NCAM2: variants seen among roughly 807,000 people sequenced by gnomAD.
The protein encoded by NCAM2 is N-CAM-2.
Under a neutral mutation model 98.1 loss-of-function variants are expected in NCAM2, and 30 were observed. The ratio of observed to expected loss-of-function variants is 0.31; its 90% CI spans 0.23 to 0.41. The LOEUF is 0.41. Among genes scored for constraint, NCAM2 ranks in the 10% least tolerant of loss-of-function variants. The probability of loss-of-function intolerance (pLI) is 1.00; values close to 1 mark genes in which losing one functional copy is unlikely to be tolerated. For synonymous variants in NCAM2, 368 were observed against 342.4 expected (o/e 1.07, Z -0.83); for missense variants, 867 against 1,005.8 (o/e 0.86, Z 1.87).
At chr21:21,258,193 C>T (rs1030112239) in intron 1 of NCAM2, among the ~76,000 whole-genome samples, 19 of 152,092 alleles carry the variant, frequency 1.2e-4, no homozygotes, top group African/African-American at 4.6e-4. Context: ...GAATTTTCTA[C>T]TTTAAAGTAT....
chr21:21,295,785 TAC>T (rs1199292565), intron 5 of NCAM2, among the ~76,000 whole-genome samples: 1 of 151,344 alleles, frequency 6.6e-6, no homozygotes, highest in South Asian at 2.1e-4. Context: ...GTTGTTATCA[TAC>T]ACACACACAC....
chr21:21,450,289 C>T (rs911413223), intron 12 of NCAM2, among the ~76,000 whole-genome samples: 22 of 150,426 alleles, frequency 1.5e-4, no homozygotes, highest in African/African-American at 3.9e-4. Context: ...TTAATATATG[C>T]GTGTGTGTGT....
intron 1 of NCAM2, among the ~76,000 whole-genome samples, chr21:21,193,170 T>C (rs768716485): frequency 6.6e-6 from 1 of 152,210 alleles, no homozygotes; most frequent in Non-Finnish European, 1.5e-5. Flanking sequence ...TCTCTGTGTC[T>C]ATCATGTCTA....
chr21:21,368,647 A>G (rs2075842348), intron 8 of NCAM2, among the ~76,000 whole-genome samples: 1 of 151,840 alleles, frequency 6.6e-6, no homozygotes, highest in Non-Finnish European at 1.5e-5. Context: ...GGGACTAGCT[A>G]GCTTTCTGTG....
intron 14 of NCAM2, among the ~76,000 whole-genome samples, chr21:21,473,125 T>C (rs1365408470): frequency 2.6e-5 from 4 of 151,420 alleles, no homozygotes; most frequent in African/African-American, 9.7e-5. Context: ...AGTACCTGTT[T>C]GTTTCTTTTG....
chr21:21,320,051 A>G (rs372870478), intron 5 of NCAM2, among the ~76,000 whole-genome samples: 5 of 152,180 alleles, frequency 3.3e-5, no homozygotes, highest in African/African-American at 1.2e-4. Flanking sequence ...TAAAGCCTTT[A>G]CTGTGTTGTT....
chr21:21,424,274 A>C (rs1386342033), intron 11 of NCAM2, among the ~76,000 whole-genome samples: 1 of 152,196 alleles, frequency 6.6e-6, no homozygotes, highest in African/African-American at 2.4e-5. Flanking sequence ...ATCAATTCCT[A>C]ATCACTTTTT....
At chr21:21,355,864 C>T (rs2075465518) in intron 8 of NCAM2, among the ~76,000 whole-genome samples, 1 of 152,034 alleles carries the variant, frequency 6.6e-6, no homozygotes, top group East Asian at 1.9e-4. Context: ...CCACCTCGGC[C>T]TCCCAAAGTA....
chr21:21,073,325 A>G (rs2065612238), intron 1 of NCAM2, among the ~76,000 whole-genome samples: 1 of 152,158 alleles, frequency 6.6e-6, no homozygotes, highest in African/African-American at 2.4e-5. Flanking sequence ...ATTTTCTGGT[A>G]ATTAAGTTTT....
intron 1 of NCAM2, among the ~76,000 whole-genome samples, chr21:21,276,943 T>C (rs1002962119): frequency 1.6e-4 from 25 of 152,108 alleles, no homozygotes; most frequent in Non-Finnish European, 3.2e-4. Flanking sequence ...ATTAATTTCA[T>C]GTTCAATTTT....
rs1350102016 is a variant in NCAM2, at chr21:21,299,333, CT to C, written c.619+7096del. The stretch of plus-strand genomic sequence containing the variant: ...TTTTTGCTTGTGTCATATCCTATGG[CT>C]TTTAATAAAAGCATAGGTATTCGGA... On this transcript the variant is annotated intron_variant, in intron 5 of 17. Transcript: ENST00000400546. Among the ~76,000 whole-genome samples, 5 of 150,562 alleles carry C rather than the reference CT, an allele frequency of 3.3e-5. No individual in the cohort carries two copies. In the South Asian group the frequency reaches 8.4e-4, roughly 25 times the overall value.
At chr21:21,015,019 C>A (rs6417708) in intron 1 of NCAM2, among the ~76,000 whole-genome samples, 87,136 of 151,962 alleles carry the variant, frequency 0.57, 25,538 homozygotes, top group East Asian at 0.82. Context: ...GTGGAGCTTG[C>A]AGATGGGACT....
chr21:21,011,367 G>A (rs1045926721), intron 1 of NCAM2, among the ~76,000 whole-genome samples: 1 of 151,968 alleles, frequency 6.6e-6, no homozygotes, highest in African/African-American at 2.4e-5. Flanking sequence ...GAAGAAACGA[G>A]GAGTTGCAGA....
chr21:21,196,361 G>A (rs560129988), intron 1 of NCAM2, among the ~76,000 whole-genome samples: 2 of 152,284 alleles, frequency 1.3e-5, no homozygotes, highest in African/African-American at 2.4e-5. Context: ...GAGCCATTTC[G>A]GTTCCACAGC....
chr21:21,365,238 C>CGTGCGTGT (rs1210171656), intron 8 of NCAM2, among the ~76,000 whole-genome samples: 1 of 146,902 alleles, frequency 6.8e-6, no homozygotes, highest in African/African-American at 2.5e-5. Flanking sequence ...TTGCTTAGTG[C>CGTGCGTGT]GTGTGTGTGT....
chr21:21,121,403 T>G (rs1390076995), intron 1 of NCAM2, among the ~76,000 whole-genome samples: 1 of 152,204 alleles, frequency 6.6e-6, no homozygotes, highest in Non-Finnish European at 1.5e-5. Context: ...GTGGTCTTAC[T>G]TGATATTTAC....
At chr21:21,023,345 G>A (rs574599801) in intron 1 of NCAM2, among the ~76,000 whole-genome samples, 95 of 152,106 alleles carry the variant, frequency 6.2e-4, no homozygotes, top group Non-Finnish European at 1.1e-3. Context: ...CCAACATGGT[G>A]GAATCCCGTC....
At chr21:21,208,777 T>A (rs1191818321) in intron 1 of NCAM2, among the ~76,000 whole-genome samples, 1 of 152,206 alleles carries the variant, frequency 6.6e-6, no homozygotes, top group Non-Finnish European at 1.5e-5. Context: ...ATTTAATTCT[T>A]AAAACTCCCA....
intron 6 of NCAM2, among the ~76,000 whole-genome samples, chr21:21,331,886 C>T (rs932030111): frequency 2.1e-5 from 3 of 145,820 alleles, no homozygotes; most frequent in Admixed American, 1.4e-4. Context: ...CACACCTGGC[C>T]GTATCCTGGG....
Sources: gnomAD v4.1 joint callset for allele counts (sites outside exome capture counted in the v4.1 genomes callset) on GRCh38, gnomAD v4.1.1 for gene constraint, MANE v1.5 for transcripts, NCBI Gene and HGNC (gene_info 2026-07-23, HGNC 2026-07-21) for gene names.